Variants in PRG4 observed in about 807,000 individuals in gnomAD.
PRG4 encodes articular superficial zone protein.
A neutral mutation model predicts 91.2 loss-of-function variants in PRG4; 61 were observed. The ratio of observed to expected loss-of-function variants is 0.67; its 90% CI spans 0.54 to 0.83. PRG4 has a LOEUF of 0.83. Ranked by LOEUF, PRG4 falls within the 40% of genes least tolerant of loss-of-function variation. The pLI is 0.00. For synonymous variants in PRG4, 576 were observed against 614.2 expected (o/e 0.94, Z 0.92); for missense variants, 1,564 against 1,714.2 (o/e 0.91, Z 1.55).
chr1:186,313,013 T>C lies in PRG4; in HGVS notation c.4117+119T>C, dbSNP rs538996915. On this transcript the variant is annotated intron_variant, in intron 12 of 12. Transcript: ENST00000445192. ...GTGAGAAGTTACACTACGGTACTTA[T>C]TCTAATTGCTGTGGAAAAGAGTTAA... 533 of 1,088,182 alleles carry C rather than the reference T, an allele frequency of 4.9e-4. 2 individuals carry two copies. The highest frequency in any genetic ancestry group is 8.5e-4 in the Middle Eastern group (4 of 4,700). The allele number at this position is 1,088,182 out of a possible 1,614,324, so 67.4% of individuals were successfully genotyped here. A position where few individuals can be genotyped will look rare whatever the true frequency, so the allele number is the denominator to read the frequency against.
At chr1:186,299,643 A>G (rs1272635351) in intron 2 of PRG4, among the ~76,000 whole-genome samples, 1 of 152,212 alleles carries the variant, frequency 6.6e-6, no homozygotes, top group Non-Finnish European at 1.5e-5. Flanking sequence ...CAAGTTGTCA[A>G]AATTTCTGTG....
chr1:186,310,266 T>TA (rs1657095979), intron 8 of PRG4, among the ~76,000 whole-genome samples: 1 of 152,202 alleles, frequency 6.6e-6, no homozygotes, highest in Non-Finnish European at 1.5e-5. Context: ...GTTCAAGTGT[T>TA]ACACTCTCTG....
Position 186,304,914 on chromosome 1 carries a change from A to C in PRG4, c.590A>C (p.Lys197Thr), listed in dbSNP as rs1656456450. Reference protein sequence around the residue: ...NSAANRELQKKLKVKDNKKNR... With the variant: ...NSAANRELQKTLKVKDNKKNR... ...GCTGCTAATAGAGAATTACAGAAGAAACTCAAAGGTTTGAGCATTGATAAA... is the reference window on the plus strand; with the variant it reads ...GCTGCTAATAGAGAATTACAGAAGACACTCAAAGGTTTGAGCATTGATAAA... Residue 197 changes from lysine to threonine, a missense_variant, in exon 6 of 13, where the codon AAA (lysine) becomes ACA (threonine). Transcript: ENST00000445192. The C allele has an allele frequency of 6.2e-7, 1 of 1,613,164 alleles. No homozygotes were observed. Among genetic ancestry groups the C allele is most frequent in the African/African-American group, 1.3e-5 (1 of 74,916 alleles).
chr1:186,299,313 C>T (rs539458310), intron 2 of PRG4, among the ~76,000 whole-genome samples: 49 of 152,224 alleles, frequency 3.2e-4, no homozygotes, highest in Admixed American at 1.4e-3. Context: ...TCTGCCTCCC[C>T]TGACATTTTA....
Position 186,304,819 on chromosome 1 carries a change from GTCCTCC to G in PRG4, c.510_515del (p.Ser176_Ser177del), listed in dbSNP as rs753751208. The G allele has an allele frequency of 1.4e-4, 224 of 1,611,164 alleles. 1 individual carries two copies. The African/African-American group carries it at 2.3e-3, about 17-fold the overall frequency. On this transcript the variant is annotated inframe_deletion, in exon 6 of 13. Coordinates refer to ENST00000445192, the MANE Select transcript of PRG4 (RefSeq NM_005807.6). ...AACATTCTGTTTCTGAAAATCAAGA[GTCCTCC>G]TCCTCCTCCTCCTCTTCCTCTTCTT...
In PRG4 at chr1:186,312,217, A is replaced by G. The variant is rs766817116; in HGVS notation, c.3836A>G (p.Gln1279Arg). 2 of 1,613,978 alleles carry G rather than the reference A, an allele frequency of 1.2e-6. No individual in the cohort carries two copies. The highest frequency in any genetic ancestry group is 2.7e-5 in the African/African-American group (2 of 74,926). ...TATATTTATAAACAGGAACCTGTAC[A>G]GAAGTGCCCTGGAAGAAGGCCTGCT... ...QQYIYKQEPV[Q>R]KCPGRRPALN... Residue 1279 changes from glutamine to arginine, a missense_variant, in exon 11 of 13, where the codon CAG becomes CGG. Gln to Arg is a conservative substitution (Grantham distance 43). Around this residue, in one of 3 missense-constraint regions of PRG4, gnomAD observed 1,079 missense variants for 1,162.2 expected, o/e 0.93. Coordinates refer to ENST00000445192, the MANE Select transcript of PRG4 (RefSeq NM_005807.6).
chr1:186,304,321 T>C, intron 5 of PRG4, 64 bp downstream of exon 5: 1 of 1,519,602 alleles, frequency 6.6e-7, no homozygotes, highest in Non-Finnish European at 9.1e-7. Context: ...AGGTGACTGC[T>C]TATCTAAGCC....
At position 186,306,509 on chromosome 1, in the gene PRG4, C is replaced by G; in HGVS notation, c.790C>G (p.Leu264Val). ...AAAACCAATAAATCCCAGACCCAGT[C>G]TTCCACCTAATTCTGATACATCTAA... ...TAKPINPRPS[L>V]PPNSDTSKET... The change falls in exon 7 of 13, where the codon CTT (leucine) becomes GTT (valine). Residue 264 changes from leucine to valine, a missense_variant. Leu to Val is a conservative substitution (Grantham distance 32). This residue lies in a region of PRG4 where 437 missense variants were observed against 459.0 expected (regional missense o/e 0.95). Transcript: ENST00000445192. 1.9e-6 allele frequency: 3 copies of G among 1,613,304 alleles called. No homozygotes were observed. Among genetic ancestry groups the G allele is most frequent in the Non-Finnish European group, 1.7e-6 (2 of 1,179,400 alleles).
Position 186,313,736 on chromosome 1 carries a change from T to C in PRG4, c.4173T>C (p.Arg1391=), listed in dbSNP as rs1657456137. Residue 1391 remains arginine, a synonymous_variant, in exon 13 of 13, where the codon CGT becomes CGC. Coordinates refer to ENST00000445192, the MANE Select transcript of PRG4 (RefSeq NM_005807.6). The part of the protein sequence containing the change: ...PSRTARAITT[R]SGQTLSKVWY... ...GAACAGCAAGAGCAATTACTACTCG[T>C]TCTGGGCAGACCTTATCCAAAGTCT... 1.9e-6 allele frequency: 3 copies of C among 1,610,404 alleles called. No homozygotes were observed. Among genetic ancestry groups the C allele is most frequent in the Admixed American group, 1.7e-5 (1 of 60,016 alleles).
intron 11 of PRG4, 48 bp from the exon 12 acceptor site, chr1:186,312,721 T>C: frequency 6.3e-7 from 1 of 1,589,998 alleles, no homozygotes; most frequent in Non-Finnish European, 8.6e-7. Flanking sequence ...TCCAAGATAG[T>C]ACATTGCCTT....
In PRG4 at chr1:186,308,972, T is replaced by C. The variant is rs1298148721; in HGVS notation, c.3253T>C (p.Ser1085Pro). 1.2e-6 allele frequency: 2 copies of C among 1,608,350 alleles called. No homozygotes were observed. Among genetic ancestry groups the C allele is most frequent in the Admixed American group, 1.7e-5 (1 of 59,120 alleles). Residue 1085 changes from serine to proline, a missense_variant, in exon 7 of 13, where the codon TCC becomes CCC. Ser to Pro is a moderately conservative substitution (Grantham distance 74). Around this residue, in one of 3 missense-constraint regions of PRG4, gnomAD observed 1,079 missense variants for 1,162.2 expected, o/e 0.93. Transcript: ENST00000445192. ...CACCAGACCTAACCAAACTCCAAAC[T>C]CCAAACTAGTTGAAGTAAATCCAAA... ...TTTRPNQTPNSKLVEVNPKSE... is the reference protein window; with the variant it reads ...TTTRPNQTPNPKLVEVNPKSE...
intron 1 of PRG4, among the ~76,000 whole-genome samples, 181 bp downstream of exon 1, chr1:186,296,474 A>C (rs147437347): frequency 1.3e-5 from 2 of 152,350 alleles, no homozygotes; most frequent in Non-Finnish European, 2.9e-5. Context: ...CAGTAACTCC[A>C]TGATGCTTAT....
chr1:186,306,626 A>C lies in PRG4; in HGVS notation c.907A>C (p.Lys303Gln). Residue 303 changes from lysine to glutamine, a missense_variant, in exon 7 of 13, where the codon AAG (lysine) becomes CAG (glutamine). Around this residue, in one of 3 missense-constraint regions of PRG4, gnomAD observed 437 missense variants for 459.0 expected, o/e 0.95. Coordinates refer to ENST00000445192, the MANE Select transcript of PRG4 (RefSeq NM_005807.6). ...ACAGACTTCAACTGATGGAAAAGAG[A>C]AGACTACTTCCGCTAAAGAGACACA... ...NKQTSTDGKE[K>Q]TTSAKETQSI... The C allele has an allele frequency of 6.2e-7, 1 of 1,613,604 alleles. No individual in the cohort carries two copies. The highest frequency in any genetic ancestry group is 8.5e-7 in the Non-Finnish European group (1 of 1,179,666).
chr1:186,311,319 A>C (rs1213296221), intron 9 of PRG4, 121 bp from the exon 10 acceptor site: 2 of 1,407,944 alleles, frequency 1.4e-6, no homozygotes, highest in Non-Finnish European at 1.0e-6. Context: ...TGATAACAGT[A>C]ATGGTCAAAA....
At chr1:186,311,292 A>T (rs1657202900) in intron 9 of PRG4, 122 bp downstream of exon 9, 2 of 1,421,368 alleles carry the variant, frequency 1.4e-6, no homozygotes. Context: ...TCAAAATTTA[A>T]TCATAATTCA....
chr1:186,301,555 A>G lies in PRG4; in HGVS notation c.200-37A>G, dbSNP rs1172475498. 5 of 1,612,934 alleles carry G rather than the reference A, an allele frequency of 3.1e-6. No individual in the cohort carries two copies. The East Asian group carries it at 8.9e-5, about 29-fold the overall frequency. On this transcript the variant is annotated intron_variant, in intron 3 of 12. Transcript: ENST00000445192. ...TCAAATACGTGGGCCTGGCTTCACA[A>G]TGAATAATCTGTAACTTCTTGTTTT...
Position 186,312,352 on chromosome 1 carries a change from G to T in PRG4, c.3971G>T (p.Arg1324Ile). ...HTIRIQYSPA[R>I]LAYQDKGVLH... ...ATCAGAATTCAATATTCACCTGCCA[G>T]ACTGGCTTATCAAGACAAAGGTAAC... The change falls in exon 11 of 13, where the codon AGA becomes ATA. Residue 1324 changes from arginine to isoleucine, a missense_variant. Arg to Ile is a moderately conservative substitution (Grantham distance 97). Transcript: ENST00000445192. 1 of 1,608,380 alleles carries T rather than the reference G, an allele frequency of 6.2e-7. No individual in the cohort carries two copies. Among genetic ancestry groups the T allele is most frequent in the South Asian group, 1.1e-5 (1 of 89,644 alleles).
At chr1:186,296,461 G>T (rs986337352) in intron 1 of PRG4, among the ~76,000 whole-genome samples, 168 bp downstream of exon 1, 2 of 152,140 alleles carry the variant, frequency 1.3e-5, no homozygotes, top group African/African-American at 4.8e-5. Context: ...GAAAAAGTTG[G>T]AACAGTAACT....
At position 186,309,115 on chromosome 1, in the gene PRG4, C is replaced by G; in HGVS notation, c.3396C>G (p.Gly1132=). ...ACTTACCGAGAGTACCCAATCAAGG[C>G]ATTATCATCAATCCCATGCTTTCCG... ...MDYLPRVPNQ[G]IIINPMLSDE... is the part of the protein sequence containing the mutation. The change falls in exon 7 of 13, where the codon GGC becomes GGG. Residue 1132 remains glycine, a synonymous_variant. Transcript: ENST00000445192. 6.2e-7 allele frequency: 1 copy of G among 1,613,436 alleles called. No individual in the cohort carries two copies.
Sources: allele counts gnomAD v4.1 joint callset (sites outside exome capture counted in the v4.1 genomes callset), GRCh38; gene constraint gnomAD v4.1.1; regional missense constraint gnomAD v4.1.1; transcripts MANE v1.5; gene names NCBI Gene and HGNC (gene_info 2026-07-23, HGNC 2026-07-21).